C17orf75: variants seen among roughly 807,000 people sequenced by gnomAD.
C17orf75 encodes the protein protein Njmu-R1.
In C17orf75, 32 loss-of-function variants were observed where a neutral mutation model predicts 49.6. That is an observed-to-expected ratio of 0.65 (90% confidence interval 0.49 to 0.87). C17orf75 has a LOEUF of 0.87. C17orf75 is among the 40% of genes least tolerant of loss of function. C17orf75 has a pLI of 0.00. For missense variants in C17orf75, 428 were observed against 473.9 expected (o/e 0.90, Z 0.90); for synonymous variants, 158 against 159.5 (o/e 0.99, Z 0.07).
upstream of C17orf75, among the ~76,000 whole-genome samples, chr17:32,344,635 G>C (rs930713085): frequency 6.6e-6 from 1 of 150,428 alleles, no homozygotes; most frequent in South Asian, 2.1e-4. Context: ...ACGGCCGGGC[G>C]TGGTGACTCA....
chr17:32,339,786 T>A (rs2041361144), intron 3 of C17orf75, 27 bp downstream of exon 3: 3 of 1,611,848 alleles, frequency 1.9e-6, no homozygotes, highest in Non-Finnish European at 2.5e-6. Flanking sequence ...AAATAAAAAC[T>A]CAGGACACAG....
chr17:32,334,814 A>T lies in C17orf75; in HGVS notation c.695T>A (p.Val232Asp), dbSNP rs1171999420. The T allele has an allele frequency of 6.2e-7, 1 of 1,610,248 alleles. No individual in the cohort carries two copies. Among genetic ancestry groups the T allele is most frequent in the Non-Finnish European group, 8.5e-7 (1 of 1,177,978 alleles). ...HAALSYTPVE[V>D]KESDEKTKRD... ...CTTTGTTTTTTCATCTGATTCTTTA[A>T]CTTCAACAGGAGTGTAACTCAAAGC... Residue 232 changes from valine (V) to aspartate (D), a missense_variant, in exon 7 of 10, where the codon GTT becomes GAT. By Grantham distance (152) the Val-to-Asp change is radical. Transcript: ENST00000577809.
chr17:32,334,961 A>C, intron 6 of C17orf75, 122 bp from the exon 7 acceptor site: 1 of 767,244 alleles, frequency 1.3e-6, no homozygotes, highest in Non-Finnish European at 2.0e-6. Flanking sequence ...GGCACTGGTC[A>C]CAAGCTCTCC....
chr17:32,332,033 A>G, intron 9 of C17orf75, 55 bp from the exon 10 acceptor site: 1 of 1,404,674 alleles, frequency 7.1e-7, no homozygotes, highest in Non-Finnish European at 9.9e-7. Flanking sequence ...AATGAAGCTC[A>G]AAAAATAACT....
At chr17:32,337,627 G>A (rs924465685) in intron 5 of C17orf75, among the ~76,000 whole-genome samples, 3 of 151,956 alleles carry the variant, frequency 2.0e-5, no homozygotes, top group African/African-American at 7.2e-5. Context: ...AGGCTGGAGT[G>A]CAGTGGTGCA....
chr17:32,337,523 C>T (rs1291707444), intron 5 of C17orf75, among the ~76,000 whole-genome samples: 1 of 152,082 alleles, frequency 6.6e-6, no homozygotes, highest in African/African-American at 2.4e-5. Flanking sequence ...AGAATACAGG[C>T]GTCTTTGTGT....
At chr17:32,336,933 C>G (rs2041331347) in intron 5 of C17orf75, among the ~76,000 whole-genome samples, 1 of 151,880 alleles carries the variant, frequency 6.6e-6, no homozygotes, top group African/African-American at 2.4e-5. Flanking sequence ...ATTACTTGAG[C>G]TCAGCAGTTC....
At chr17:32,343,305 G>T (rs1218983827), upstream of C17orf75, among the ~76,000 whole-genome samples, 2 of 146,376 alleles carry the variant, frequency 1.4e-5, no homozygotes, top group East Asian at 4.0e-4. Flanking sequence ...TGTGTTTTGT[G>T]TTTTTTTTTT....
intron 2 of C17orf75, chr17:32,340,839 G>A (rs1443474349): frequency 4.8e-6 from 1 of 208,396 alleles, no homozygotes; most frequent in Non-Finnish European, 9.9e-6. Context: ...AGCTACTGGG[G>A]AGGCTGAGGT....
intron 9 of C17orf75, among the ~76,000 whole-genome samples, chr17:32,332,422 G>A (rs763696784): frequency 1.2e-4 from 18 of 152,282 alleles, no homozygotes; most frequent in African/African-American, 2.9e-4. Flanking sequence ...AATTACAGGC[G>A]TGAGCCACCA....
intron 5 of C17orf75, 106 bp downstream of exon 5, chr17:32,337,791 T>A: frequency 1.1e-6 from 1 of 931,064 alleles, no homozygotes; most frequent in Non-Finnish European, 1.6e-6. Context: ...GTCTCTGACC[T>A]TGTGATCTGC....
chr17:32,343,551 C>A (rs202127234), upstream of C17orf75: 1 of 330,782 alleles, frequency 3.0e-6, no homozygotes, highest in South Asian at 7.2e-5. Flanking sequence ...GCAGAGATTC[C>A]AAATTGCCTC....
upstream of C17orf75, chr17:32,343,560 T>A (rs1232434813): frequency 8.8e-6 from 3 of 339,818 alleles, no homozygotes; most frequent in Middle Eastern, 8.1e-4. Flanking sequence ...CCAAATTGCC[T>A]CTCCATATCA....
chr17:32,338,089 T>C (rs1156620570), intron 4 of C17orf75, 119 bp downstream of exon 4: 1 of 1,521,802 alleles, frequency 6.6e-7, no homozygotes, highest in East Asian at 2.3e-5. Context: ...CATGAAGGTA[T>C]GAAATTCAAC....
At chr17:32,333,774 A>C (rs145197745) in intron 8 of C17orf75, among the ~76,000 whole-genome samples, 2 of 152,174 alleles carry the variant, frequency 1.3e-5, no homozygotes, top group East Asian at 1.9e-4. Flanking sequence ...TGACCCATTT[A>C]TTTCTTTATA....
upstream of C17orf75, among the ~76,000 whole-genome samples, chr17:32,343,349 A>G (rs2041398633): frequency 6.6e-6 from 1 of 152,154 alleles, no homozygotes. Context: ...ATTCATAAAT[A>G]AAACTTCATA....
At chr17:32,348,697 C>T (rs1462122833) in intron 1 of C17orf75, among the ~76,000 whole-genome samples, 1 of 152,128 alleles carries the variant, frequency 6.6e-6, no homozygotes, top group East Asian at 1.9e-4. Flanking sequence ...CTTTTAACCA[C>T]CTCTCACTTG....
At chr17:32,338,873 C>T (rs1422771376) in intron 3 of C17orf75, among the ~76,000 whole-genome samples, 1 of 152,030 alleles carries the variant, frequency 6.6e-6, no homozygotes, top group Non-Finnish European at 1.5e-5. Context: ...GGTGAATCAC[C>T]TGAGGTCAGG....
At chr17:32,342,309 C>T (rs2041390014), upstream of C17orf75, 10 of 1,071,566 alleles carry the variant, frequency 9.3e-6, no homozygotes, top group Non-Finnish European at 1.2e-5. Flanking sequence ...CTTCTCCCCA[C>T]AGGGGCTGAC....
Sources: gnomAD v4.1 joint callset for allele counts (sites outside exome capture counted in the v4.1 genomes callset) on GRCh38, gnomAD v4.1.1 for gene constraint, MANE v1.5 for transcripts, NCBI Gene and HGNC (gene_info 2026-07-23, HGNC 2026-07-21) for gene names.